FASN: variants seen among roughly 807,000 people sequenced by gnomAD.
The protein encoded by FASN is fatty acid synthase.
Under a neutral mutation model 250.0 loss-of-function variants are expected in FASN, and 50 were observed. That is an observed-to-expected ratio of 0.20 (90% CI 0.16 to 0.25). FASN has a LOEUF of 0.25. Ranked by LOEUF, FASN falls within the 10% of genes least tolerant of loss-of-function variation. The probability of loss-of-function intolerance (pLI) is 1.00; values close to 1 mark genes in which losing one functional copy is unlikely to be tolerated. For missense variants in FASN, 3,031 were observed against 3,498.5 expected (o/e 0.87, Z 3.37); for synonymous variants, 1,909 against 1,584.0 (o/e 1.21, Z -4.87).
In FASN at chr17:82,090,405, G is replaced by A. The variant is rs140698052; in HGVS notation, c.1840C>T (p.His614Tyr). Residue 614 changes from histidine (H) to tyrosine (Y), a missense_variant, in exon 11 of 43, where the codon CAT (histidine) becomes TAT (tyrosine). Coordinates refer to ENST00000306749, the MANE Select transcript of FASN (RefSeq NM_004104.5). ...GCTGCCATGGCGCCCGGCGGGAGAT[G>A]GGCTTCTTTGATGCACTGTCCCCTC... is the stretch of plus-strand genomic sequence containing the variant. ...YWRGQCIKEAHLPPGAMAAVG... is the reference protein window; with the variant it reads ...YWRGQCIKEAYLPPGAMAAVG... 2.1e-4 allele frequency: 341 copies of A among 1,598,382 alleles called. 3 individuals carry two copies. Among genetic ancestry groups the A allele is most frequent in the Non-Finnish European group, 4.3e-5 (50 of 1,173,884 alleles).
chr17:82,081,343 T>A lies in FASN; in HGVS notation c.6416A>T (p.Asp2139Val). The stretch of plus-strand genomic sequence containing the variant: ...GCTGTCCAGGTTGACAGCAGCCAAG[T>A]CGCGGATGCCTGGAAGGGATGCGCC... ...EAVAHILGIRDLAAVNLDSSL... is the reference protein window; with the variant it reads ...EAVAHILGIRVLAAVNLDSSL... The change falls in exon 38 of 43, where the codon GAC (aspartate) becomes GTC (valine). Residue 2139 changes from aspartate to valine, a missense_variant. Asp to Val is a radical substitution (Grantham distance 152, BLOSUM62 -3). Coordinates refer to ENST00000306749, the MANE Select transcript of FASN (RefSeq NM_004104.5). 3 of 1,558,688 alleles carry A rather than the reference T, an allele frequency of 1.9e-6. No homozygotes were observed. Among genetic ancestry groups the A allele is most frequent in the Non-Finnish European group, 2.6e-6 (3 of 1,152,096 alleles).
In FASN at chr17:82,091,361, C is replaced by G; in HGVS notation, c.1353G>C (p.Leu451=). Residue 451 remains leucine (L), a synonymous_variant, in exon 9 of 43, where the codon CTG becomes CTC. Transcript: ENST00000306749. ...GLRHSQDLAF[L]SMLNDIAAVP... ...CAGCCGCGATGTCGTTCAGCATGCT[C>G]AGGAAAGCCAGGTCCTGGCTGTGCC... is the stretch of plus-strand genomic sequence containing the variant. 6.2e-7 allele frequency: 1 copy of G among 1,611,062 alleles called. No homozygotes were observed. The highest frequency in any genetic ancestry group is 8.5e-7 in the Non-Finnish European group (1 of 1,179,282).
At chr17:82,093,975 C>G (rs940454110) in intron 3 of FASN, 2 of 634,308 alleles carry the variant, frequency 3.2e-6, no homozygotes, top group South Asian at 1.8e-5. Flanking sequence ...TGGCCAGCAG[C>G]CAGCCCAGGT....
At position 82,082,671 on chromosome 17, in the gene FASN, C is replaced by G; in HGVS notation, c.5775G>C (p.Gln1925His). Residue 1925 changes from glutamine (Q) to histidine (H), a missense_variant, in exon 34 of 43, where the codon CAG (glutamine) becomes CAC (histidine). By Grantham distance (24) the Gln-to-His change is conservative. Coordinates refer to ENST00000306749, the MANE Select transcript of FASN (RefSeq NM_004104.5). ...TSRSGIRTGY[Q>H]AKQVRRWRRQ... ...GCCTCCACCGGCGGACCTGCTTGGC[C>G]TGGTAGCCTGCGGGACACAGGACTG... The G allele has an allele frequency of 6.2e-7, 1 of 1,608,952 alleles. No homozygotes were observed. Among genetic ancestry groups the G allele is most frequent in the South Asian group, 1.1e-5 (1 of 91,082 alleles).
chr17:82,086,122 CCA>C lies in FASN; in HGVS notation c.3732+130_3732+131del. On this transcript the variant is annotated intron_variant, in intron 22 of 42. Coordinates refer to ENST00000306749, the MANE Select transcript of FASN (RefSeq NM_004104.5). ...GACCGCACAGGACACGTGCACAGAA[CCA>C]CACAGGGAACTGGCCGGCCCCACCC... 2.0e-6 allele frequency: 3 copies of C among 1,470,904 alleles called. No homozygotes were observed. In the South Asian group the frequency reaches 3.8e-5, roughly 18 times the overall value. The allele number at this position is 1,470,904 out of a possible 1,614,324, so 91.1% of individuals were successfully genotyped here.
At chr17:82,080,039 G>A (rs2033959477) in intron 41 of FASN, 101 bp downstream of exon 41, 3 of 1,253,276 alleles carry the variant, frequency 2.4e-6, no homozygotes, top group Non-Finnish European at 3.5e-6. Flanking sequence ...GAAGTTGGGG[G>A]GCCTTTAACG....
At position 82,086,479 on chromosome 17, in the gene FASN, G is replaced by T. The variant is rs113749053; in HGVS notation, c.3507C>A (p.Ile1169=). Residue 1169 remains isoleucine, a synonymous_variant, in exon 22 of 43, where the codon ATC becomes ATA. Coordinates refer to ENST00000306749, the MANE Select transcript of FASN (RefSeq NM_004104.5). ...MVVPGLDGAQ[I]PRDPSQQELP... The stretch of plus-strand genomic sequence containing the variant: ...GTTCCTGCTGTGAGGGGTCCCGGGG[G>T]ATCTGGGCCCCATCCAGTCCGGGCA... 1 of 1,612,504 alleles carries T rather than the reference G, an allele frequency of 6.2e-7. No homozygotes were observed. The highest frequency in any genetic ancestry group is 1.7e-5 in the Admixed American group (1 of 60,030).
At chr17:82,091,782 G>A in intron 8 of FASN, 98 bp from the exon 9 acceptor site, 1 of 1,147,074 alleles carries the variant, frequency 8.7e-7, no homozygotes, top group South Asian at 1.5e-5. Context: ...GTGGGGCCAG[G>A]GTTCCAGGGC....
intron 23 of FASN, 36 bp from the exon 24 acceptor site, chr17:82,085,438 C>T: frequency 6.3e-7 from 1 of 1,597,922 alleles, no homozygotes; most frequent in Non-Finnish European, 8.5e-7. Flanking sequence ...GCCCGCCTGG[C>T]CCTCACCCGG....
intron 2 of FASN, among the ~76,000 whole-genome samples, chr17:82,096,028 T>G (rs1421554012): frequency 6.6e-6 from 1 of 152,234 alleles, no homozygotes; most frequent in Non-Finnish European, 1.5e-5. Context: ...GGGCCCTGCC[T>G]GGGCCAGCCC....
rs199895617 is a variant in FASN, at chr17:82,079,352, C to T, written c.7398+5G>A. 3.3e-5 allele frequency: 54 copies of T among 1,612,918 alleles called. No individual in the cohort carries two copies. The highest frequency in any genetic ancestry group is 4.5e-5 in the East Asian group (2 of 44,890). On this transcript the variant is annotated splice_donor_5th_base_variant and intron_variant, in intron 42 of 42. Coordinates refer to ENST00000306749, the MANE Select transcript of FASN (RefSeq NM_004104.5). ...GTCCCCGTTCCCGTCAGGCCCCTTG[C>T]GCACCTGGGAGAGGTTGTAGTCCGC...
At position 82,080,210 on chromosome 17, in the gene FASN, C is replaced by T. The variant is rs45546335; in HGVS notation, c.7076G>A (p.Cys2359Tyr). The T allele has an allele frequency of 6.2e-7, 1 of 1,613,098 alleles. No homozygotes were observed. Among genetic ancestry groups the T allele is most frequent in the Non-Finnish European group, 8.5e-7 (1 of 1,180,038 alleles). ...GGCCTCCGTCTCAGCCTCAGCCTCA[C>T]AGCCTGGGGTCAGCTTTGCCCGGTA... The part of the protein sequence containing the change: ...QSYRAKLTPG[C>Y]EAEAETEAIC... The change falls in exon 41 of 43, where the codon TGT becomes TAT. Residue 2359 changes from cysteine (C) to tyrosine (Y), a missense_variant. Transcript: ENST00000306749.
At position 82,091,641 on chromosome 17, in the gene FASN, T is replaced by C. The variant is rs2034211646; in HGVS notation, c.1073A>G (p.His358Arg). ...LEHGLWAPNLHFHSPNPEIPA... is the reference protein window; with the variant it reads ...LEHGLWAPNLRFHSPNPEIPA... ...GATCTCAGGGTTGGGGCTATGGAAG[T>C]GCAGGTTGGGGGCCCAGAGCCCGTG... Residue 358 changes from histidine to arginine, a missense_variant, in exon 9 of 43, where the codon CAC becomes CGC. By Grantham distance (29) the His-to-Arg change is conservative. Transcript: ENST00000306749. The C allele has an allele frequency of 6.3e-7, 1 of 1,596,768 alleles. No homozygotes were observed. The highest frequency in any genetic ancestry group is 2.3e-5 in the East Asian group (1 of 44,252).
At position 82,085,307 on chromosome 17, in the gene FASN, G is replaced by A. The variant is rs1045730549; in HGVS notation, c.4218C>T (p.Pro1406=). The stretch of plus-strand genomic sequence containing the variant: ...GGAAGATGGGGCTGTCCTGCGGGGT[G>A]GGCCGGCGGCACAGGAAGAGCGTGG... ...YGSTLFLCRR[P]TPQDSPIFLP... Residue 1406 remains proline (P), a synonymous_variant, in exon 24 of 43, where the codon CCC becomes CCT. Coordinates refer to ENST00000306749, the MANE Select transcript of FASN (RefSeq NM_004104.5). 6.2e-7 allele frequency: 1 copy of A among 1,611,312 alleles called. No individual in the cohort carries two copies. Among genetic ancestry groups the A allele is most frequent in the Non-Finnish European group, 8.5e-7 (1 of 1,179,440 alleles).
At chr17:82,081,141 C>T in intron 38 of FASN, 23 bp downstream of exon 38, 1 of 1,561,502 alleles carries the variant, frequency 6.4e-7, no homozygotes, top group Non-Finnish European at 8.7e-7. Context: ...GGACCCCACT[C>T]CCGCCTGGCC....
chr17:82,089,103 T>G lies in FASN; in HGVS notation c.2170A>C (p.Ser724Arg). The G allele has an allele frequency of 6.4e-7, 1 of 1,571,100 alleles. No homozygotes were observed. The highest frequency in any genetic ancestry group is 2.4e-5 in the East Asian group (1 of 41,812). The change falls in exon 14 of 43, where the codon AGC becomes CGC. Residue 724 changes from serine to arginine, a missense_variant. Coordinates refer to ENST00000306749, the MANE Select transcript of FASN (RefSeq NM_004104.5). ...STSIPEAQWHSSLARTSSAEY... is the reference protein window; with the variant it reads ...STSIPEAQWHRSLARTSSAEY... The stretch of plus-strand genomic sequence containing the variant: ...GCGGAGGACGTGCGTGCCAGGCTGC[T>G]GTGCCACTGGGCCTCGGGGATAGAG...
chr17:82,084,430 C>T (rs372471746), intron 27 of FASN, 46 bp from the exon 28 acceptor site: 26 of 1,587,334 alleles, frequency 1.6e-5, no homozygotes, highest in Middle Eastern at 3.3e-4. Context: ...CCTTCCCTCC[C>T]GAGGGGCTCC....
chr17:82,082,756 A>G, intron 33 of FASN, 78 bp from the exon 34 acceptor site: 1 of 1,576,574 alleles, frequency 6.3e-7, no homozygotes, highest in Non-Finnish European at 8.6e-7. Context: ...GGAAGTGGGG[A>G]GCAGCCGCAG....
In FASN at chr17:82,080,770, T is replaced by C. The variant is rs376275854; in HGVS notation, c.6748A>G (p.Ile2250Val). ...TGGAACACGGTGGTGGAGCCCTCGA[T>C]TGGGTGCACCAGGAACAGGGGCCGC... The part of the protein sequence containing the change: ...SERPLFLVHP[I>V]EGSTTVFHSL... The change falls in exon 39 of 43, where the codon ATC (isoleucine) becomes GTC (valine). Residue 2250 changes from isoleucine (I) to valine (V), a missense_variant. Physicochemically the swap from Ile to Val is conservative, Grantham distance 29. Coordinates refer to ENST00000306749, the MANE Select transcript of FASN (RefSeq NM_004104.5). 3.9e-5 allele frequency: 62 copies of C among 1,604,540 alleles called. No homozygotes were observed. The highest frequency in any genetic ancestry group is 4.8e-5 in the Non-Finnish European group (57 of 1,176,870).
Sources: gnomAD v4.1 joint callset for allele counts (sites outside exome capture counted in the v4.1 genomes callset) on GRCh38, gnomAD v4.1.1 for gene constraint, MANE v1.5 for transcripts, NCBI Gene and HGNC (gene_info 2026-07-23, HGNC 2026-07-21) for gene names.